Variants in FGF14 observed in about 807,000 individuals in gnomAD.
FGF14 encodes the protein fibroblast growth factor 14, also known as fibroblast growth factor homologous factor 4.
In FGF14, 5 loss-of-function variants were observed where a neutral mutation model predicts 25.5. That is an observed-to-expected ratio of 0.20 (90% CI 0.10 to 0.41). The LOEUF (loss-of-function observed/expected upper bound fraction) is 0.41. FGF14 is among the 10% of genes least tolerant of loss of function. The pLI, the probability that FGF14 is intolerant of heterozygous loss-of-function variation, is 1.00. For missense variants in FGF14, 222 were observed against 320.1 expected, an observed-to-expected ratio of 0.69 and a Z score of 2.34; for synonymous variants, 138 against 118.3, an observed-to-expected ratio of 1.17 and a Z score of -1.08.
At chr13:101,878,166 A>C (rs1324242561) in intron 1 of FGF14, among the ~76,000 whole-genome samples, 1 of 152,174 alleles carries the variant, frequency 6.6e-6, no homozygotes, top group Non-Finnish European at 1.5e-5. Flanking sequence ...ACTGTGGGTT[A>C]CCTATAAATA....
At chr13:101,917,217 G>C (rs1306841066), upstream of FGF14, among the ~76,000 whole-genome samples, 1 of 152,024 alleles carries the variant, frequency 6.6e-6, no homozygotes, top group Non-Finnish European at 1.5e-5. Flanking sequence ...TGATTGTCAA[G>C]TGCTTTGGAA....
intron 3 of FGF14, among the ~76,000 whole-genome samples, chr13:101,820,160 A>G (rs1355469785): frequency 2.0e-5 from 3 of 152,210 alleles, no homozygotes; most frequent in African/African-American, 4.8e-5. Flanking sequence ...GCAGCAATAT[A>G]TCAATGAACC....
chr13:101,968,534 G>A (rs149988182), intron 1 of FGF14, among the ~76,000 whole-genome samples: 2,197 of 152,036 alleles, frequency 0.014, 55 homozygotes, highest in African/African-American at 0.049. Context: ...TTAGCCAGGC[G>A]TGGTGGCAGG....
chr13:101,884,806 A>G (rs768980790), intron 1 of FGF14, among the ~76,000 whole-genome samples: 3 of 151,966 alleles, frequency 2.0e-5, no homozygotes, highest in Non-Finnish European at 2.9e-5. Context: ...TTTAAAAAGC[A>G]CTAGTTTAGG....
intron 3 of FGF14, among the ~76,000 whole-genome samples, chr13:101,751,777 T>A (rs1254439251): frequency 1.3e-5 from 2 of 152,106 alleles, no homozygotes; most frequent in African/African-American, 4.8e-5. Flanking sequence ...CTAAAACACT[T>A]AACTTGCACT....
chr13:101,889,190 T>C (rs1566382462), intron 1 of FGF14, among the ~76,000 whole-genome samples: 1 of 152,130 alleles, frequency 6.6e-6, no homozygotes. Context: ...AAGTCTATGA[T>C]ACTTTGTTAA....
chr13:102,055,576 G>T (rs1176403133), intron 1 of FGF14, among the ~76,000 whole-genome samples: 1 of 152,112 alleles, frequency 6.6e-6, no homozygotes, highest in Non-Finnish European at 1.5e-5. Flanking sequence ...TGGGCAGTCA[G>T]GCCTCTGTTC....
intron 1 of FGF14, among the ~76,000 whole-genome samples, chr13:101,890,689 C>T (rs2046222321): frequency 6.6e-6 from 1 of 152,182 alleles, no homozygotes; most frequent in African/African-American, 2.4e-5. Context: ...TGGAAGCAGA[C>T]AGGTCAAGGG....
intron 3 of FGF14, among the ~76,000 whole-genome samples, chr13:101,735,348 CTGA>C (rs1368277242): frequency 6.6e-6 from 1 of 152,048 alleles, no homozygotes; most frequent in Non-Finnish European, 1.5e-5. Context: ...TTTTATGCTG[CTGA>C]TTTTTATCTA....
intron 1 of FGF14, among the ~76,000 whole-genome samples, chr13:102,241,478 C>G (rs1003643143): frequency 2.4e-4 from 37 of 152,122 alleles, no homozygotes; most frequent in African/African-American, 8.9e-4. Context: ...TTAGAAGAAA[C>G]AGCAATAAAG....
intron 1 of FGF14, among the ~76,000 whole-genome samples, chr13:102,380,665 A>G (rs529476669): frequency 1.3e-5 from 2 of 152,328 alleles, no homozygotes; most frequent in African/African-American, 4.8e-5. Context: ...TGCAAGAGAC[A>G]TTTAATAAAG....
rs530399349 is a variant in FGF14, at chr13:101,983,595, A to G, written c.209-108299T>C. 1.2e-4 allele frequency among the ~76,000 whole-genome samples: 18 copies of G among 152,288 alleles called. No individual in the cohort carries two copies. In the East Asian group the frequency reaches 2.5e-3, roughly 21 times the overall value. On this transcript the variant is annotated intron_variant, in intron 1 of 4. Transcript: ENST00000376131. ...AGAAATAGCAGGCCAGTTAAATTGC[A>G]TTTTGTGTATGCAATTCACGTTGTT... is the stretch of plus-strand genomic sequence containing the variant.
intron 1 of FGF14, chr13:102,292,547 C>T (rs2054477778): frequency 6.6e-6 from 1 of 152,142 alleles, no homozygotes; most frequent in Non-Finnish European, 1.5e-5. Context: ...CTACCAAGTG[C>T]TTAATAAGTA....
intron 1 of FGF14, among the ~76,000 whole-genome samples, chr13:101,878,782 C>A (rs1269311010): frequency 6.6e-6 from 1 of 151,912 alleles, no homozygotes; most frequent in Non-Finnish European, 1.5e-5. Flanking sequence ...AATGCACATA[C>A]CTTCAGATAT....
chr13:102,161,083 G>T (rs2047601405), intron 1 of FGF14, among the ~76,000 whole-genome samples: 1 of 152,078 alleles, frequency 6.6e-6, no homozygotes, highest in African/African-American at 2.4e-5. Context: ...GAGAGAGAAA[G>T]AAACAATGGA....
intron 1 of FGF14, among the ~76,000 whole-genome samples, chr13:102,371,393 A>C (rs988288213): frequency 1.3e-5 from 2 of 151,524 alleles, no homozygotes; most frequent in African/African-American, 4.9e-5. Flanking sequence ...TTTACTCATT[A>C]TCTCTCTCTC....
intron 1 of FGF14, among the ~76,000 whole-genome samples, chr13:101,975,633 T>G (rs1339103562): frequency 1.3e-5 from 2 of 152,156 alleles, no homozygotes; most frequent in African/African-American, 4.8e-5. Context: ...ATATTTGTAT[T>G]GACAGGGTTT....
At position 101,715,685 on chromosome 13, in the gene FGF14, T is replaced by C; in HGVS notation, c.*7146A>G. ...ACATGAGAGAGGTCTGGATTCTTAT[T>C]TTTTCTGGGCCATTAGAACAGATAA... On this transcript the variant is annotated 3_prime_UTR_variant, in exon 5 of 5. Transcript: ENST00000376143. The C allele has an allele frequency of 1.4e-6, 2 of 1,442,960 alleles. No homozygotes were observed. The highest frequency in any genetic ancestry group is 2.0e-6 in the Non-Finnish European group (2 of 1,023,910). 89.4% of individuals were successfully genotyped at this position (1,442,960 alleles called of 1,614,324 possible).
rs547150661 is a variant in FGF14, at chr13:101,712,553, A to G, written c.*10278T>C. Reference sequence around the variant, plus strand: ...ATAAAATGATATCCTGGGTGTATATATGAATATTATGGGCATATAAAATCA... The same window carrying G: ...ATAAAATGATATCCTGGGTGTATATGTGAATATTATGGGCATATAAAATCA... On this transcript the variant is annotated 3_prime_UTR_variant, in exon 5 of 5. Coordinates refer to ENST00000376143, the MANE Select transcript of FGF14 (RefSeq NM_004115.4). 1.1e-4 allele frequency: 17 copies of G among 152,298 alleles called. No homozygotes were observed. Among genetic ancestry groups the G allele is most frequent in the African/African-American group, 3.9e-4 (16 of 41,552 alleles). 9.4% of individuals were successfully genotyped at this position (152,298 alleles called of 1,614,324 possible).
Sources: gnomAD v4.1 joint callset for allele counts (sites outside exome capture counted in the v4.1 genomes callset) on GRCh38, gnomAD v4.1.1 for gene constraint, MANE v1.5 for transcripts, NCBI Gene and HGNC (gene_info 2026-07-23, HGNC 2026-07-21) for gene names.